MDGA2: variants seen among roughly 807,000 people sequenced by gnomAD.
MDGA2 encodes MAM domain containing glycosylphosphatidylinositol anchor 2.
MDGA2 carries 40 observed loss-of-function variants against 117.8 expected under a neutral mutation model. The observed-to-expected ratio is 0.34, with a 90% CI of 0.26 to 0.44. The LOEUF (loss-of-function observed/expected upper bound fraction) is 0.44, where lower values mean the gene tolerates loss of function less well. MDGA2 is among the 20% of genes least tolerant of loss of function. The pLI is 1.00. For missense variants in MDGA2, 1,123 were observed against 1,250.6 expected (o/e 0.90, Z 1.54); for synonymous variants, 452 against 439.0 (o/e 1.03, Z -0.37).
intron 1 of MDGA2, among the ~76,000 whole-genome samples, chr14:47,593,296 G>A (rs1017747018): frequency 5.9e-5 from 9 of 152,166 alleles, no homozygotes; most frequent in African/African-American, 1.9e-4. Flanking sequence ...ATGTAAATTA[G>A]TTCAAACATT....
At chr14:47,066,531 T>G (rs921670222) in intron 6 of MDGA2, among the ~76,000 whole-genome samples, 2 of 152,214 alleles carry the variant, frequency 1.3e-5, no homozygotes, top group African/African-American at 2.4e-5. Flanking sequence ...AAGAGAATTC[T>G]GTACACAACA....
chr14:47,342,276 ATATAT>A (rs1340784816), intron 1 of MDGA2, among the ~76,000 whole-genome samples: 22 of 126,420 alleles, frequency 1.7e-4, no homozygotes, highest in East Asian at 4.4e-4. Context: ...ATATATATAT[ATATAT>A]AAAATATGTT....
chr14:47,641,265 A>T (rs1177664671), intron 1 of MDGA2, among the ~76,000 whole-genome samples: 1 of 152,094 alleles, frequency 6.6e-6, no homozygotes, highest in African/African-American at 2.4e-5. Flanking sequence ...GTCTGGTCTA[A>T]AGGACAAAAC....
intron 1 of MDGA2, among the ~76,000 whole-genome samples, chr14:47,351,902 A>AACACACACACACAC (rs35860893): frequency 6.5e-4 from 97 of 148,502 alleles, no homozygotes; most frequent in Admixed American, 3.3e-3. Flanking sequence ...CTCTAAATTA[A>AACACACACACACAC]ACACACACAC....
chr14:47,064,408 A>AATAAC (rs1170698156), intron 6 of MDGA2, among the ~76,000 whole-genome samples: 1 of 152,096 alleles, frequency 6.6e-6, no homozygotes, highest in African/African-American at 2.4e-5. Context: ...CCTCTAACAA[A>AATAAC]ATAACATAAC....
At chr14:47,327,191 C>T (rs1890168877) in intron 1 of MDGA2, among the ~76,000 whole-genome samples, 2 of 152,076 alleles carry the variant, frequency 1.3e-5, no homozygotes, top group South Asian at 4.1e-4. Context: ...AGCAATAAAC[C>T]CCCAACCTCT....
At chr14:46,881,897 GT>G in intron 11 of MDGA2, 146 bp downstream of exon 11, 1 of 455,358 alleles carries the variant, frequency 2.2e-6, no homozygotes, top group Non-Finnish European at 3.7e-6. Flanking sequence ...TTTTGTTTTT[GT>G]TTTTTTGTTT....
At chr14:47,500,562 G>A (rs1263855565) in intron 1 of MDGA2, among the ~76,000 whole-genome samples, 1 of 151,900 alleles carries the variant, frequency 6.6e-6, no homozygotes, top group Non-Finnish European at 1.5e-5. Context: ...TGGACTCTTG[G>A]GAGGATACAT....
rs73252356 is a variant in MDGA2 at position 46,884,834 on chromosome 14, G to A, written c.2239-2613C>T. 0.021 allele frequency among the ~76,000 whole-genome samples: 3,127 copies of A among 151,260 alleles called. 104 individuals are homozygous for A. The highest frequency in any genetic ancestry group is 0.071 in the African/African-American group (2,923 of 41,298). ...AGAAAAAATGTTATTATGATCTCAG[G>A]TAATACATTACTTTCTTTTTTGTTT... On this transcript the variant is annotated intron_variant, in intron 10 of 16. Coordinates refer to ENST00000399232, the MANE Select transcript of MDGA2 (RefSeq NM_001113498.3). This position sits in a 1 kb window ranked among gnomAD's most constrained non-coding sequence, Gnocchi z 4.1.
intron 1 of MDGA2, among the ~76,000 whole-genome samples, chr14:47,620,682 A>G (rs1403009244): frequency 6.6e-6 from 1 of 152,294 alleles, no homozygotes; most frequent in African/African-American, 2.4e-5. Flanking sequence ...AAGATTAAGA[A>G]TCTGGTTGCC....
intron 2 of MDGA2, among the ~76,000 whole-genome samples, chr14:47,222,602 G>C (rs890865113): frequency 6.6e-5 from 10 of 152,026 alleles, no homozygotes; most frequent in Non-Finnish European, 1.5e-4. Flanking sequence ...AAACATATAA[G>C]ACTAATAAAT....
chr14:47,610,603 A>C (rs1896830156), intron 1 of MDGA2, among the ~76,000 whole-genome samples: 2 of 147,234 alleles, frequency 1.4e-5, no homozygotes, highest in South Asian at 2.1e-4. Flanking sequence ...ACAACAACAA[A>C]AACTTAGGAA....
In MDGA2 at chr14:47,301,535, C is replaced by G. The variant is rs372731604; in HGVS notation, c.296G>C (p.Arg99Pro). 1 of 1,551,454 alleles carries G rather than the reference C, an allele frequency of 6.4e-7. No individual in the cohort carries two copies. Among genetic ancestry groups the G allele is most frequent in the African/African-American group, 1.4e-5 (1 of 73,018 alleles). Residue 99 changes from arginine (R) to proline (P), a missense_variant, in exon 2 of 17, where the codon CGT becomes CCT. Transcript: ENST00000399232. Reference sequence around the variant, plus strand: ...ACAGGCCAAGCCTGAGTGCACAATACGAACCGTGGGAGGAGCTGTCGAGTC... The same window carrying G: ...ACAGGCCAAGCCTGAGTGCACAATAGGAACCGTGGGAGGAGCTGTCGAGTC... ...GQGVYAPPTV[R>P]IVHSGLACNI...
chr14:47,186,344 GAATA>G (rs1321162343), intron 3 of MDGA2, among the ~76,000 whole-genome samples: 1 of 151,554 alleles, frequency 6.6e-6, no homozygotes, highest in Non-Finnish European at 1.5e-5. Flanking sequence ...TCATATGAAA[GAATA>G]AATTGCCAAA....
rs144879321 is a variant in MDGA2 at position 47,579,863 on chromosome 14, T to C, written c.280+94654A>G. ...ATCCATTTTCCAGGTGAAAACATTTTTTAAAAAGTGATAGCAATCACTAAA... is the reference window on the plus strand; with the variant it reads ...ATCCATTTTCCAGGTGAAAACATTTCTTAAAAAGTGATAGCAATCACTAAA... On this transcript the variant is annotated intron_variant, in intron 1 of 16. Coordinates refer to ENST00000399232, the MANE Select transcript of MDGA2 (RefSeq NM_001113498.3). Among the ~76,000 whole-genome samples, 61 of 152,206 alleles carry C rather than the reference T, an allele frequency of 4.0e-4. No individual in the cohort carries two copies. In the East Asian group the frequency reaches 4.3e-3, roughly 11 times the overall value.
At chr14:47,147,667 G>T (rs551603444) in intron 3 of MDGA2, among the ~76,000 whole-genome samples, 2 of 152,296 alleles carry the variant, frequency 1.3e-5, no homozygotes, top group Non-Finnish European at 2.9e-5. Flanking sequence ...GAGTGCTTCA[G>T]TTCTGGGGAA....
chr14:47,326,413 G>A (rs1379885320), intron 1 of MDGA2, among the ~76,000 whole-genome samples: 3 of 151,868 alleles, frequency 2.0e-5, no homozygotes, highest in Non-Finnish European at 4.4e-5. Context: ...ACTTGCCCAG[G>A]GTCACAAAGG....
intron 3 of MDGA2, among the ~76,000 whole-genome samples, chr14:47,208,462 C>T (rs1175245692): frequency 6.6e-6 from 1 of 151,834 alleles, no homozygotes; most frequent in Non-Finnish European, 1.5e-5. Context: ...AAACATCCTC[C>T]CTTTTTTATA....
intron 1 of MDGA2, among the ~76,000 whole-genome samples, chr14:47,303,605 T>C (rs576278286): frequency 3.9e-5 from 6 of 152,272 alleles, no homozygotes; most frequent in African/African-American, 1.4e-4. Context: ...CTGTCTAATA[T>C]AGTCATATCC....
Sources: allele counts gnomAD v4.1 joint callset (sites outside exome capture counted in the v4.1 genomes callset), GRCh38; gene constraint gnomAD v4.1.1; non-coding constraint Gnocchi (gnomAD v3.1); transcripts MANE v1.5; gene names NCBI Gene and HGNC (gene_info 2026-07-23, HGNC 2026-07-21).